NHSL2: variants seen among roughly 807,000 people sequenced by gnomAD.
NHSL2 encodes the protein NHS-like protein 2.
In NHSL2, 27 loss-of-function variants were observed where a neutral mutation model predicts 53.4. The ratio of observed to expected loss-of-function variants is 0.51; its 90% CI spans 0.37 to 0.70. The LOEUF (loss-of-function observed/expected upper bound fraction) is 0.70, where lower values mean the gene tolerates loss of function less well. Ranked by LOEUF, NHSL2 falls within the 30% of genes least tolerant of loss-of-function variation. NHSL2 has a pLI of 0.00. For missense variants in NHSL2, 892 were observed against 980.1 expected (o/e 0.91, Z 1.20); for synonymous variants, 408 against 404.1 (o/e 1.01, Z -0.12).
At chrX:72,012,986 A>T (rs1346680188) in intron 1 of NHSL2, among the ~76,000 whole-genome samples, 2 of 112,175 alleles carry the variant, frequency 1.8e-5, no homozygotes. Context: ...CTCCCACTTT[A>T]TTCTCCCTTT....
chrX:72,100,330 C>T (rs1271728137), intron 1 of NHSL2, among the ~76,000 whole-genome samples: 1 of 112,509 alleles, frequency 8.9e-6, no homozygotes, highest in Non-Finnish European at 1.9e-5. Context: ...CAAACCCATA[C>T]AGCACGTGAC....
At chrX:72,051,663 G>A (rs1034526293) in intron 1 of NHSL2, among the ~76,000 whole-genome samples, 6 of 111,677 alleles carry the variant, frequency 5.4e-5, no homozygotes, top group African/African-American at 2.0e-4. Context: ...TCCTCTGGCT[G>A]GAATTTAAGG....
At chrX:71,961,678 GT>G (rs906723836) in intron 1 of NHSL2, among the ~76,000 whole-genome samples, 12 of 110,867 alleles carry the variant, frequency 1.1e-4, no homozygotes, top group African/African-American at 3.9e-4. Context: ...TTTGATTTTT[GT>G]TTTTGAGACA....
At position 72,144,535 on chromosome X, in the gene NHSL2, GA is replaced by G. The variant is rs1569484951; in HGVS notation, c.*964del. On this transcript the variant is annotated 3_prime_UTR_variant, in exon 8 of 8. Transcript: ENST00000633930. ...CATCATCAAAGGCTCAAGGATAATGGAAAGTAAGTGCATCTTGCCCCCCACC... is the reference window on the plus strand; with the variant it reads ...CATCATCAAAGGCTCAAGGATAATGGAAGTAAGTGCATCTTGCCCCCCACC... 2.0e-6 allele frequency: 2 copies of G among 1,025,380 alleles called. No homozygotes were observed. Among genetic ancestry groups the G allele is most frequent in the South Asian group, 3.7e-5 (2 of 54,560 alleles). The allele number at this position is 1,025,380 out of a possible 1,213,427, so 84.5% of individuals were successfully genotyped here. A position where few individuals can be genotyped will look rare whatever the true frequency, so the allele number is the denominator to read the frequency against.
chrX:72,114,010 T>G (rs2042114924), intron 1 of NHSL2, among the ~76,000 whole-genome samples: 1 of 112,275 alleles, frequency 8.9e-6, no homozygotes, highest in African/African-American at 3.2e-5. Flanking sequence ...TGAACATGGC[T>G]GGCAGAAAAT....
chrX:71,911,200 G>T lies in NHSL2; in HGVS notation c.113G>T (p.Arg38Leu). The change falls in exon 1 of 8, where the codon CGG (arginine) becomes CTG (leucine). Residue 38 changes from arginine (R) to leucine (L), a missense_variant. Arg to Leu is a moderately radical substitution (Grantham distance 102, BLOSUM62 -2). Transcript: ENST00000633930. ...VSHLAALSLL[R>L]QLADLCGHSL... The stretch of plus-strand genomic sequence containing the variant: ...CACCTGGCAGCGCTCAGCCTGCTCC[G>T]GCAGCTCGCCGACCTCTGTGGCCAC... The T allele has an allele frequency of 8.7e-7, 1 of 1,146,123 alleles. No homozygotes were observed. The highest frequency in any genetic ancestry group is 1.2e-6 in the Non-Finnish European group (1 of 868,106). The allele number at this position is 1,146,123 out of a possible 1,213,427, so 94.5% of individuals were successfully genotyped here. A position where few individuals can be genotyped will look rare whatever the true frequency, so the allele number is the denominator to read the frequency against.
chrX:71,956,758 G>A (rs1602277931), intron 1 of NHSL2, among the ~76,000 whole-genome samples: 1 of 111,303 alleles, frequency 9.0e-6, no homozygotes, highest in Admixed American at 9.5e-5. Flanking sequence ...ACGTAACTGA[G>A]CTGGGATGCA....
At chrX:72,072,322 G>A (rs955872967) in intron 1 of NHSL2, among the ~76,000 whole-genome samples, 2 of 112,137 alleles carry the variant, frequency 1.8e-5, no homozygotes, top group Non-Finnish European at 3.8e-5. Context: ...GTAAATAGTA[G>A]AATAGGAAGC....
At chrX:71,917,072 G>A (rs1450000105) in intron 1 of NHSL2, among the ~76,000 whole-genome samples, 1 of 112,145 alleles carries the variant, frequency 8.9e-6, no homozygotes, top group Non-Finnish European at 1.9e-5. Flanking sequence ...GCACAGGATG[G>A]CAATCTTAAC....
At chrX:72,105,440 C>T (rs2042029726) in intron 1 of NHSL2, among the ~76,000 whole-genome samples, 1 of 111,737 alleles carries the variant, frequency 8.9e-6, no homozygotes, top group African/African-American at 3.3e-5. Flanking sequence ...GAATTTGAGT[C>T]CTTGATGCCT....
rs764931062 is a variant in NHSL2 at position 72,131,363 on chromosome X, T to C, written c.281-716T>C. 45 of 1,207,142 alleles carry C rather than the reference T, an allele frequency of 3.7e-5. No homozygotes were observed. The Admixed American group carries it at 5.7e-4, about 15-fold the overall frequency. Reference sequence around the variant, plus strand: ...TTCTCCTCCGCAAGGACGGGCACTATGGGTACTGGCCAGCGGATGTAGCTG... The same window carrying C: ...TTCTCCTCCGCAAGGACGGGCACTACGGGTACTGGCCAGCGGATGTAGCTG... On this transcript the variant is annotated intron_variant, in intron 1 of 7. Transcript: ENST00000633930.
At chrX:72,029,048 G>C (rs888066685) in intron 1 of NHSL2, among the ~76,000 whole-genome samples, 1 of 111,631 alleles carries the variant, frequency 9.0e-6, no homozygotes, top group Non-Finnish European at 1.9e-5. Context: ...TGGTCCTTTG[G>C]GTGTGGAAAG....
chrX:71,918,908 A>G, intron 1 of NHSL2, among the ~76,000 whole-genome samples: 1 of 112,403 alleles, frequency 8.9e-6, no homozygotes, highest in Admixed American at 9.4e-5. Flanking sequence ...GCTATGCTCT[A>G]AATGAATTAT....
At chrX:72,038,706 A>G (rs2042254549) in intron 1 of NHSL2, among the ~76,000 whole-genome samples, 1 of 112,504 alleles carries the variant, frequency 8.9e-6, no homozygotes, top group African/African-American at 3.2e-5. Context: ...GATTGGTCCA[A>G]AAGAAGACTG....
At chrX:71,980,191 A>G (rs746679788) in intron 1 of NHSL2, among the ~76,000 whole-genome samples, 10 of 111,741 alleles carry the variant, frequency 8.9e-5, no homozygotes, top group African/African-American at 3.3e-4. Flanking sequence ...GAAGTCAGGT[A>G]GTGTGATGCC....
intron 1 of NHSL2, among the ~76,000 whole-genome samples, chrX:72,110,401 G>A (rs1398703197): frequency 9.0e-6 from 1 of 111,029 alleles, no homozygotes; most frequent in African/African-American, 3.3e-5. Context: ...TGTCCTCAAG[G>A]TCCCCTGCAC....
chrX:72,136,425 T>G (rs1439102442), intron 4 of NHSL2, among the ~76,000 whole-genome samples: 1 of 112,187 alleles, frequency 8.9e-6, no homozygotes, highest in African/African-American at 3.2e-5. Flanking sequence ...AACTATAATC[T>G]GTGTCAATAA....
At chrX:72,063,280 A>G (rs767604233) in intron 1 of NHSL2, among the ~76,000 whole-genome samples, 36 of 112,696 alleles carry the variant, frequency 3.2e-4, no homozygotes, top group Admixed American at 2.1e-3. Flanking sequence ...TTCCTTGGCC[A>G]TTAATGACAT....
At chrX:71,973,681 A>T (rs1196115495) in intron 1 of NHSL2, among the ~76,000 whole-genome samples, 1 of 111,016 alleles carries the variant, frequency 9.0e-6, no homozygotes, top group Non-Finnish European at 1.9e-5. Context: ...CCCAGTATGG[A>T]GCTTGCATCC....
Sources: allele counts gnomAD v4.1 joint callset (sites outside exome capture counted in the v4.1 genomes callset), GRCh38; gene constraint gnomAD v4.1.1; transcripts MANE v1.5; gene names NCBI Gene and HGNC (gene_info 2026-07-23, HGNC 2026-07-21).